The following LARGE1 variants were observed in gnomAD, a reference collection of about 807,000 sequenced individuals.
The protein encoded by LARGE1 is xylosyl- and glucuronyltransferase LARGE1.
LARGE1 carries 43 observed loss-of-function variants against 87.6 expected under a neutral mutation model. That is an observed-to-expected ratio of 0.49 (90% confidence interval 0.38 to 0.63). The LOEUF is 0.63. Among genes scored for constraint, LARGE1 ranks in the 30% least tolerant of loss-of-function variants. The pLI, the probability that LARGE1 is intolerant of heterozygous loss-of-function variation, is 0.00. For missense variants in LARGE1, 802 were observed against 1,000.2 expected (o/e 0.80, Z 2.67); for synonymous variants, 434 against 394.6 (o/e 1.10, Z -1.18).
At chr22:33,912,477 C>T (rs2065665678) in intron 1 of LARGE1, among the ~76,000 whole-genome samples, 1 of 152,180 alleles carries the variant, frequency 6.6e-6, no homozygotes, top group Admixed American at 6.5e-5. Context: ...GTCCTTTCTT[C>T]CCAATTGGCC....
At chr22:33,464,910 C>A (rs2068538350) in intron 6 of LARGE1, among the ~76,000 whole-genome samples, 1 of 147,520 alleles carries the variant, frequency 6.8e-6, no homozygotes, top group Admixed American at 6.8e-5. Flanking sequence ...CACACACATA[C>A]ACATGCACAC....
intron 10 of LARGE1, among the ~76,000 whole-genome samples, chr22:33,318,756 A>C (rs368153871): frequency 6.6e-6 from 1 of 152,050 alleles, no homozygotes. Context: ...TTAAAAAAAA[A>C]TGATAATTTG....
intron 11 of LARGE1, among the ~76,000 whole-genome samples, chr22:33,265,117 C>T (rs550666361): frequency 1.3e-5 from 2 of 151,940 alleles, no homozygotes; most frequent in African/African-American, 4.8e-5. Flanking sequence ...GTTGGTCAGG[C>T]TGTTCTCAAA....
chr22:33,067,490 C>T, the LARGE1 span, among the ~76,000 whole-genome samples: 162 of 152,140 alleles, frequency 1.1e-3, 3 homozygotes, highest in East Asian at 0.021. Context: ...AAGTGTTTAA[C>T]CTTTATTTTC....
At chr22:33,293,375 A>G (rs5998851) in intron 12 of LARGE1, among the ~76,000 whole-genome samples, 7,031 of 152,286 alleles carry the variant, frequency 0.046, 538 homozygotes, top group African/African-American at 0.16. Context: ...AATGATAAAG[A>G]TATTAAAGTT....
chr22:33,195,516 A>C (rs1924017256), intron 11 of LARGE1, among the ~76,000 whole-genome samples: 1 of 152,110 alleles, frequency 6.6e-6, no homozygotes, highest in African/African-American at 2.4e-5. Flanking sequence ...AGACACAAGT[A>C]ACAAAAGGGT....
chr22:33,404,103 T>C (rs919666840), intron 7 of LARGE1, among the ~76,000 whole-genome samples: 2 of 152,176 alleles, frequency 1.3e-5, no homozygotes, highest in Middle Eastern at 3.2e-3. Context: ...GTCTATTGTA[T>C]GATAAGAACA....
At chr22:33,222,313 G>T (rs1396703393) in intron 11 of LARGE1, among the ~76,000 whole-genome samples, 1 of 152,142 alleles carries the variant, frequency 6.6e-6, no homozygotes, top group Non-Finnish European at 1.5e-5. Flanking sequence ...AGAAGGGAGG[G>T]TTACCAGCAT....
intron 6 of LARGE1, among the ~76,000 whole-genome samples, chr22:33,452,462 C>A (rs1041595962): frequency 6.6e-6 from 1 of 152,162 alleles, no homozygotes; most frequent in Non-Finnish European, 1.5e-5. Flanking sequence ...AGGAAGGGGC[C>A]CATGGCAGGC....
At chr22:33,626,035 C>T (rs1329384426) in intron 4 of LARGE1, among the ~76,000 whole-genome samples, 1 of 152,174 alleles carries the variant, frequency 6.6e-6, no homozygotes, top group Non-Finnish European at 1.5e-5. Context: ...CTGAGAGTTA[C>T]AATTCTAAAC....
At chr22:33,772,698 A>C (rs1335228489) in intron 1 of LARGE1, among the ~76,000 whole-genome samples, 1 of 151,998 alleles carries the variant, frequency 6.6e-6, no homozygotes, top group East Asian at 1.9e-4. Context: ...GTACTCATCA[A>C]ATTTCTAAAT....
At chr22:33,346,243 C>T (rs573053558) in intron 9 of LARGE1, among the ~76,000 whole-genome samples, 2 of 150,422 alleles carry the variant, frequency 1.3e-5, no homozygotes, top group African/African-American at 4.9e-5. Flanking sequence ...TTCCTTCCTT[C>T]CTTCCTTCCT....
chr22:33,125,309 T>C, the LARGE1 span, among the ~76,000 whole-genome samples: 1 of 152,160 alleles, frequency 6.6e-6, no homozygotes, highest in South Asian at 2.1e-4. Flanking sequence ...AATCAGAATT[T>C]GGTTAGGTGC....
chr22:33,247,592 G>T (rs527433857), intron 11 of LARGE1, among the ~76,000 whole-genome samples: 2 of 152,294 alleles, frequency 1.3e-5, no homozygotes, highest in African/African-American at 4.8e-5. Flanking sequence ...AAGCTAAAAC[G>T]TTGCATGTTC....
chr22:33,690,523 C>A (rs1346810290), intron 2 of LARGE1, among the ~76,000 whole-genome samples: 1 of 152,040 alleles, frequency 6.6e-6, no homozygotes, highest in Non-Finnish European at 1.5e-5. Flanking sequence ...AGGTGGAATT[C>A]AAACACACCT....
chr22:33,369,981 CATA>C (rs1170450872), intron 9 of LARGE1, among the ~76,000 whole-genome samples: 4 of 151,646 alleles, frequency 2.6e-5, no homozygotes, highest in African/African-American at 9.7e-5. Context: ...AATGGCTTTA[CATA>C]TTACAACAGC....
chr22:33,229,299 A>T (rs1925885944), intron 11 of LARGE1, among the ~76,000 whole-genome samples: 1 of 152,214 alleles, frequency 6.6e-6, no homozygotes, highest in Non-Finnish European at 1.5e-5. Context: ...AATAAATTAT[A>T]ATGAAGGAAA....
chr22:33,495,034 C>T (rs1393207913), intron 6 of LARGE1, among the ~76,000 whole-genome samples: 2 of 152,120 alleles, frequency 1.3e-5, no homozygotes, highest in African/African-American at 2.4e-5. Flanking sequence ...TCCCTCTATT[C>T]TCTCCCTGCA....
At chr22:33,836,963 T>C (rs762835) in intron 1 of LARGE1, among the ~76,000 whole-genome samples, 129,592 of 152,058 alleles carry the variant, frequency 0.85, 55,353 homozygotes, top group African/African-American at 0.91. Context: ...GGGAGATGGG[T>C]CGTGCATGAA....
Sources: allele counts gnomAD v4.1 joint callset (sites outside exome capture counted in the v4.1 genomes callset), GRCh38; gene constraint gnomAD v4.1.1; transcripts MANE v1.5; gene names NCBI Gene and HGNC (gene_info 2026-07-23, HGNC 2026-07-21).